The following FGGY variants were observed in gnomAD, a reference collection of about 807,000 sequenced individuals.
FGGY encodes the protein FGGY carbohydrate kinase domain containing.
In FGGY, 72 loss-of-function variants were observed where a neutral mutation model predicts 71.3. That is an observed-to-expected ratio of 1.01 (90% CI 0.84 to 1.23). FGGY has a LOEUF of 1.23. FGGY is among the 50% of genes most tolerant of loss of function. The probability of loss-of-function intolerance (pLI) is 0.00; values close to 1 mark genes in which losing one functional copy is unlikely to be tolerated. For synonymous variants in FGGY, 251 were observed against 250.3 expected (o/e 1.00, Z -0.02); for missense variants, 668 against 682.3 (o/e 0.98, Z 0.23).
chr1:59,744,896 G>A (rs1464412510), intron 14 of FGGY, among the ~76,000 whole-genome samples: 3 of 152,216 alleles, frequency 2.0e-5, no homozygotes, highest in Admixed American at 2.0e-4. Context: ...TGTGCTGAAT[G>A]ATAAGACAGA....
At chr1:59,378,290 TAGTG>T (rs749131479) in intron 4 of FGGY, among the ~76,000 whole-genome samples, 1 of 152,076 alleles carries the variant, frequency 6.6e-6, no homozygotes, top group South Asian at 2.1e-4. Context: ...GTTCTCGTGG[TAGTG>T]AGTAAGTCTC....
intron 6 of FGGY, among the ~76,000 whole-genome samples, chr1:59,495,213 T>G (rs2093994467): frequency 1.3e-5 from 2 of 152,212 alleles, no homozygotes; most frequent in Admixed American, 1.3e-4. Flanking sequence ...TTAAATTCCT[T>G]AAATATTCTG....
chr1:59,598,143 AT>A (rs756576469), intron 8 of FGGY, among the ~76,000 whole-genome samples: 96 of 152,230 alleles, frequency 6.3e-4, no homozygotes, highest in Admixed American at 1.4e-3. Flanking sequence ...TGAAAAATGC[AT>A]GATATAATTT....
chr1:59,296,512 A>G (rs2041982528), upstream of FGGY: 1 of 152,338 alleles, frequency 6.6e-6, no homozygotes, highest in African/African-American at 2.4e-5. Context: ...AGCGTAGCCG[A>G]TCTTGGGTCC....
At chr1:59,701,977 T>G (rs999266864) in intron 14 of FGGY, among the ~76,000 whole-genome samples, 22 of 152,124 alleles carry the variant, frequency 1.4e-4, no homozygotes, top group African/African-American at 5.3e-4. Context: ...ACTGAGTAGT[T>G]TAAAAACAAA....
rs1293409357 is a variant in FGGY at position 59,626,061 on chromosome 1, C to T, written c.1073+12C>T. On this transcript the variant is annotated intron_variant, in intron 10 of 15. Transcript: ENST00000303721. ...AAGGCCACAGCCAGGTAACTGCTGTCTCTGTTCCCTCTAAAATTTTCCTTG... is the reference window on the plus strand; with the variant it reads ...AAGGCCACAGCCAGGTAACTGCTGTTTCTGTTCCCTCTAAAATTTTCCTTG... 6.2e-7 allele frequency: 1 copy of T among 1,610,874 alleles called. No individual in the cohort carries two copies. The highest frequency in any genetic ancestry group is 1.1e-5 in the South Asian group (1 of 90,594).
At chr1:59,418,770 A>G (rs1395610583) in intron 5 of FGGY, among the ~76,000 whole-genome samples, 2 of 152,122 alleles carry the variant, frequency 1.3e-5, no homozygotes, top group African/African-American at 2.4e-5. Context: ...TCTCTTTAAC[A>G]TAGTGAGTTT....
intron 1 of FGGY, among the ~76,000 whole-genome samples, chr1:59,312,742 C>T (rs769563766): frequency 5.3e-5 from 8 of 152,132 alleles, no homozygotes; most frequent in Non-Finnish European, 7.4e-5. Flanking sequence ...TCCCTTGTGA[C>T]TGCTGTTGGA....
chr1:59,650,235 G>T (rs1257018263), intron 11 of FGGY, among the ~76,000 whole-genome samples: 1 of 146,164 alleles, frequency 6.8e-6, no homozygotes, highest in East Asian at 1.9e-4. Flanking sequence ...GTCTCTGCCA[G>T]GGTTTGGTAT....
At chr1:59,469,442 A>T (rs1347412031) in intron 6 of FGGY, among the ~76,000 whole-genome samples, 1 of 152,222 alleles carries the variant, frequency 6.6e-6, no homozygotes. Flanking sequence ...CTTTATCAGA[A>T]GTGCCTCCTA....
chr1:59,506,180 C>T (rs2094375592), intron 6 of FGGY, among the ~76,000 whole-genome samples: 1 of 151,948 alleles, frequency 6.6e-6, no homozygotes, highest in African/African-American at 2.4e-5. Flanking sequence ...TTTATTTCAA[C>T]GTAAGATTGT....
chr1:59,415,512 C>A (rs2064236790), intron 5 of FGGY, among the ~76,000 whole-genome samples: 1 of 152,210 alleles, frequency 6.6e-6, no homozygotes, highest in South Asian at 2.1e-4. Context: ...GCATAGCTGA[C>A]TTGACTATGG....
intron 1 of FGGY, among the ~76,000 whole-genome samples, chr1:59,303,555 A>G (rs1030613491): frequency 2.0e-5 from 3 of 152,168 alleles, no homozygotes; most frequent in Admixed American, 6.5e-5. Context: ...TAATGCTGCA[A>G]TGAACATGGG....
intron 8 of FGGY, among the ~76,000 whole-genome samples, chr1:59,570,847 ATGTT>A (rs2095973388): frequency 6.6e-6 from 1 of 152,208 alleles, no homozygotes; most frequent in Non-Finnish European, 1.5e-5. Context: ...GCATTCAAAA[ATGTT>A]TGTTCTGATC....
rs547756476 is a variant in FGGY at position 59,388,159 on chromosome 1, A to G, written c.554+9322A>G. 2.0e-5 allele frequency among the ~76,000 whole-genome samples: 3 copies of G among 152,164 alleles called. No individual in the cohort carries two copies. In the East Asian group the frequency reaches 5.8e-4, roughly 29 times the overall value. On this transcript the variant is annotated intron_variant, in intron 5 of 15. Transcript: ENST00000303721. ...TACATACATAGGAGTTGGGGCAGGA[A>G]GGAAGACCCGATTTGCCAACCCTAT...
chr1:59,479,861 C>T (rs1346960196), intron 6 of FGGY, among the ~76,000 whole-genome samples: 8 of 152,114 alleles, frequency 5.3e-5, no homozygotes, highest in Non-Finnish European at 1.2e-4. Context: ...GTTGTAAGCA[C>T]ACAGGAAAGG....
At chr1:59,544,701 A>C (rs1159501014) in intron 7 of FGGY, among the ~76,000 whole-genome samples, 2 of 152,142 alleles carry the variant, frequency 1.3e-5, no homozygotes, top group African/African-American at 4.8e-5. Context: ...CAAGTGAGAA[A>C]AGTGAGTTTC....
chr1:59,618,156 C>T (rs1013464859), intron 9 of FGGY, among the ~76,000 whole-genome samples: 1 of 152,028 alleles, frequency 6.6e-6, no homozygotes. Flanking sequence ...AAGTTGGATA[C>T]AGAACTGATC....
chr1:59,530,579 C>A (rs1032528629), intron 7 of FGGY, among the ~76,000 whole-genome samples: 15 of 152,118 alleles, frequency 9.9e-5, no homozygotes, highest in Non-Finnish European at 2.1e-4. Context: ...AAATTCCCTC[C>A]CCTTCCCCCA....
Sources: gnomAD v4.1 joint callset for allele counts (sites outside exome capture counted in the v4.1 genomes callset) on GRCh38, gnomAD v4.1.1 for gene constraint, MANE v1.5 for transcripts, NCBI Gene and HGNC (gene_info 2026-07-23, HGNC 2026-07-21) for gene names.